LRRC3B: variants seen among roughly 807,000 people sequenced by gnomAD.
LRRC3B encodes leucine rich repeat containing 3B.
A neutral mutation model predicts 12.8 loss-of-function variants in LRRC3B; 2 were observed. The observed-to-expected ratio is 0.16, with a 90% CI of 0.06 to 0.49. The LOEUF (loss-of-function observed/expected upper bound fraction) is 0.49. Ranked by LOEUF, LRRC3B falls within the 20% of genes least tolerant of loss-of-function variation. LRRC3B has a pLI of 0.96. For missense variants in LRRC3B, 189 were observed against 319.4 expected (o/e 0.59, Z 3.11); for synonymous variants, 132 against 122.0 (o/e 1.08, Z -0.54).
At chr3:26,695,862 T>C (rs774715211) in intron 1 of LRRC3B, among the ~76,000 whole-genome samples, 2 of 152,208 alleles carry the variant, frequency 1.3e-5, no homozygotes, top group Non-Finnish European at 2.9e-5. Flanking sequence ...AAATCCACAA[T>C]GGCTAAAACC....
intron 1 of LRRC3B, among the ~76,000 whole-genome samples, chr3:26,643,255 AGTGTGTG>A (rs1699070864): frequency 7.3e-6 from 1 of 136,842 alleles, no homozygotes; most frequent in Non-Finnish European, 1.6e-5. Flanking sequence ...CATATGTGTG[AGTGTGTG>A]TGTGTGTGTG....
rs548949746 is a variant in LRRC3B, at chr3:26,666,930, C to T, written c.-160-42583C>T. Among the ~76,000 whole-genome samples, 4 of 152,194 alleles carry T rather than the reference C, an allele frequency of 2.6e-5. No individual in the cohort carries two copies. In the South Asian group the frequency reaches 8.3e-4, roughly 32 times the overall value. On this transcript the variant is annotated intron_variant, in intron 1 of 1. Transcript: ENST00000396641. ...TCTAATAGAAATGTGTCAACTACAA[C>T]ACTTTCATCAAATGTAGGGATTTTA... is the stretch of plus-strand genomic sequence containing the variant.
intron 1 of LRRC3B, among the ~76,000 whole-genome samples, chr3:26,642,254 T>G (rs1699045243): frequency 6.6e-6 from 1 of 152,162 alleles, no homozygotes; most frequent in South Asian, 2.1e-4. Flanking sequence ...GTACAAATAG[T>G]CTCATCTTCA....
intron 1 of LRRC3B, among the ~76,000 whole-genome samples, chr3:26,644,170 A>G (rs1699093733): frequency 6.6e-6 from 1 of 152,226 alleles, no homozygotes; most frequent in South Asian, 2.1e-4. Context: ...GAAGAAGATT[A>G]CATAAGTATG....
At chr3:26,665,042 C>T (rs1449525923) in intron 1 of LRRC3B, among the ~76,000 whole-genome samples, 1 of 151,830 alleles carries the variant, frequency 6.6e-6, no homozygotes, top group Non-Finnish European at 1.5e-5. Context: ...TGGGCTGCAG[C>T]AGCCTAAGGG....
intron 1 of LRRC3B, among the ~76,000 whole-genome samples, chr3:26,695,676 C>G (rs1383613214): frequency 6.6e-6 from 1 of 152,174 alleles, no homozygotes; most frequent in African/African-American, 2.4e-5. Context: ...AATGTCTCTT[C>G]TTAGGAAACA....
intron 1 of LRRC3B, among the ~76,000 whole-genome samples, chr3:26,640,748 G>A (rs1374193117): frequency 6.6e-6 from 1 of 152,144 alleles, no homozygotes; most frequent in African/African-American, 2.4e-5. Context: ...AGTTCTGCAT[G>A]GCATGCTGGG....
chr3:26,705,183 G>T (rs553190866), intron 1 of LRRC3B, among the ~76,000 whole-genome samples: 2 of 152,210 alleles, frequency 1.3e-5, no homozygotes, highest in South Asian at 2.1e-4. Context: ...AAATGCACTG[G>T]TTTTTTTCTT....
chr3:26,695,384 G>A (rs1290711694), intron 1 of LRRC3B, among the ~76,000 whole-genome samples: 1 of 152,162 alleles, frequency 6.6e-6, no homozygotes, highest in East Asian at 1.9e-4. Context: ...AAAATTAGCC[G>A]GGCATTGTGG....
At chr3:26,698,868 A>G (rs931554273) in intron 1 of LRRC3B, among the ~76,000 whole-genome samples, 3 of 152,130 alleles carry the variant, frequency 2.0e-5, no homozygotes, top group Non-Finnish European at 2.9e-5. Context: ...ATTTGATGCA[A>G]TAATACCTTA....
intron 1 of LRRC3B, among the ~76,000 whole-genome samples, chr3:26,648,250 A>G (rs1287030573): frequency 6.6e-6 from 1 of 152,106 alleles, no homozygotes; most frequent in Admixed American, 6.6e-5. Flanking sequence ...ATTATTCATG[A>G]TGTTTAGAAA....
intron 1 of LRRC3B, among the ~76,000 whole-genome samples, chr3:26,666,398 TAGA>T (rs765675031): frequency 2.1e-4 from 32 of 150,540 alleles, no homozygotes; most frequent in Non-Finnish European, 4.3e-4. Context: ...TATCTGATAA[TAGA>T]AAATGTTAAA....
chr3:26,647,280 G>A (rs962003052), intron 1 of LRRC3B, among the ~76,000 whole-genome samples: 1 of 152,016 alleles, frequency 6.6e-6, no homozygotes, highest in African/African-American at 2.4e-5. Context: ...CTATCTTAAC[G>A]GTTTTGATGA....
chr3:26,675,876 T>A (rs867326817), intron 1 of LRRC3B, among the ~76,000 whole-genome samples: 6 of 152,160 alleles, frequency 3.9e-5, no homozygotes, highest in Middle Eastern at 3.2e-3. Flanking sequence ...ACAATTTTTT[T>A]ATTAAATAAT....
chr3:26,652,204 T>C (rs1402134821), intron 1 of LRRC3B, among the ~76,000 whole-genome samples: 2 of 152,188 alleles, frequency 1.3e-5, no homozygotes, highest in Admixed American at 1.3e-4. Context: ...CTGAAAACCC[T>C]ACAGAACACT....
At chr3:26,673,574 C>T (rs1699796670) in intron 1 of LRRC3B, among the ~76,000 whole-genome samples, 3 of 152,144 alleles carry the variant, frequency 2.0e-5, no homozygotes, top group Admixed American at 6.5e-5. Flanking sequence ...GTCTTCTTTG[C>T]CTATAAAAGA....
Position 26,683,690 on chromosome 3 carries a change from C to A in LRRC3B, c.-160-25823C>A, listed in dbSNP as rs116557149. On this transcript the variant is annotated intron_variant, in intron 1 of 1. Coordinates refer to ENST00000396641, the Ensembl canonical transcript of LRRC3B. ...GAAATACTACTTTCTCAAAGCAGAA[C>A]CACTCCACCACTCTGTTCAGCCCAT... Among the ~76,000 whole-genome samples the A allele has an allele frequency of 6.4e-4, 98 of 152,328 alleles. 1 individual carries two copies. The highest frequency in any genetic ancestry group is 2.3e-3 in the African/African-American group (96 of 41,580).
At chr3:26,652,987 C>T (rs1319615720) in intron 1 of LRRC3B, among the ~76,000 whole-genome samples, 1 of 151,676 alleles carries the variant, frequency 6.6e-6, no homozygotes, top group African/African-American at 2.4e-5. Context: ...TCATTTCCAC[C>T]AGTTCCAGGC....
chr3:26,655,059 ATCTG>A (rs565759754), intron 1 of LRRC3B, among the ~76,000 whole-genome samples: 37 of 152,258 alleles, frequency 2.4e-4, no homozygotes, highest in African/African-American at 7.2e-4. Flanking sequence ...TTTAGCTATC[ATCTG>A]TCTATCTGTC....
Sources: gnomAD v4.1 joint callset for allele counts (sites outside exome capture counted in the v4.1 genomes callset) on GRCh38, gnomAD v4.1.1 for gene constraint, MANE v1.5 for transcripts, NCBI Gene and HGNC (gene_info 2026-07-23, HGNC 2026-07-21) for gene names.